Variants in ZDHHC7 observed in about 807,000 individuals in gnomAD.
ZDHHC7 encodes the protein palmitoyltransferase ZDHHC7.
In ZDHHC7, 12 loss-of-function variants were observed where a neutral mutation model predicts 34.1. That is an observed-to-expected ratio of 0.35 (90% confidence interval 0.23 to 0.57). ZDHHC7 has a LOEUF of 0.57. Among genes scored for constraint, ZDHHC7 ranks in the 20% least tolerant of loss-of-function variants. The probability of loss-of-function intolerance (pLI) is 0.84; values close to 1 mark genes in which losing one functional copy is unlikely to be tolerated. For synonymous variants in ZDHHC7, 185 were observed against 155.4 expected (o/e 1.19, Z -1.42); for missense variants, 388 against 402.7 (o/e 0.96, Z 0.31).
Position 84,977,219 on chromosome 16 carries a change from C to G in ZDHHC7, c.626G>C (p.Ser209Thr). Reference protein sequence around the residue: ...SCVRGQWTECSDFSPPITVIL... With the variant: ...SCVRGQWTECTDFSPPITVIL... ...TACAGTTATCGGAGGTGAAAAATCACTGCATTCTGCGGACAAGAGGAAGTT... is the reference window on the plus strand; with the variant it reads ...TACAGTTATCGGAGGTGAAAAATCAGTGCATTCTGCGGACAAGAGGAAGTT... Residue 209 changes from serine (S) to threonine (T), a missense_variant, in exon 7 of 8, where the codon AGT becomes ACT. Physicochemically the swap from Ser to Thr is moderately conservative, Grantham distance 58. Coordinates refer to ENST00000313732, the MANE Select transcript of ZDHHC7 (RefSeq NM_017740.3). 1 of 1,614,176 alleles carries G rather than the reference C, an allele frequency of 6.2e-7. No individual in the cohort carries two copies. Among genetic ancestry groups the G allele is most frequent in the South Asian group, 1.1e-5 (1 of 91,084 alleles).
At chr16:85,005,774 G>C (rs1258826794) in intron 1 of ZDHHC7, among the ~76,000 whole-genome samples, 1 of 152,252 alleles carries the variant, frequency 6.6e-6, no homozygotes, top group Non-Finnish European at 1.5e-5. Flanking sequence ...ATGAACGGCA[G>C]TGTTTCCCGG....
intron 1 of ZDHHC7, among the ~76,000 whole-genome samples, chr16:85,009,699 G>A (rs1368339825): frequency 7.0e-6 from 1 of 142,484 alleles, no homozygotes; most frequent in African/African-American, 2.6e-5. Flanking sequence ...ACCAAGTTCT[G>A]ACTTTTTTTC....
At chr16:85,025,764 A>G in the ZDHHC7 span, among the ~76,000 whole-genome samples, 1 of 152,206 alleles carries the variant, frequency 6.6e-6, no homozygotes, top group Admixed American at 6.5e-5. Context: ...CTGAAAGAAT[A>G]CTGGGAAATA....
intron 3 of ZDHHC7, among the ~76,000 whole-genome samples, chr16:84,985,476 C>T (rs1373014175): frequency 6.6e-6 from 1 of 152,146 alleles, no homozygotes; most frequent in Non-Finnish European, 1.5e-5. Context: ...AGGAGCACAG[C>T]AAAACCCAGT....
chr16:85,007,783 C>G (rs1158188559), intron 1 of ZDHHC7, among the ~76,000 whole-genome samples: 1 of 152,008 alleles, frequency 6.6e-6, no homozygotes, highest in Non-Finnish European at 1.5e-5. Context: ...TGGCAAAGCA[C>G]AGTAGTATAC....
chr16:84,986,815 C>G (rs1188832971), intron 3 of ZDHHC7, among the ~76,000 whole-genome samples: 1 of 152,158 alleles, frequency 6.6e-6, no homozygotes, highest in Non-Finnish European at 1.5e-5. Context: ...GGGTATCTGC[C>G]CCAACCCCTC....
At chr16:84,980,153 A>G (rs1373347255) in intron 4 of ZDHHC7, among the ~76,000 whole-genome samples, 2 of 150,638 alleles carry the variant, frequency 1.3e-5, no homozygotes, top group Admixed American at 1.3e-4. Flanking sequence ...TTTAGTAGAG[A>G]TGGGGGTTTC....
upstream of ZDHHC7, among the ~76,000 whole-genome samples, chr16:85,012,124 G>C (rs992604424): frequency 1.3e-5 from 2 of 152,192 alleles, no homozygotes; most frequent in Non-Finnish European, 2.9e-5. Context: ...GCTCACGCCT[G>C]TAACTCCAGC....
At chr16:84,978,193 G>T (rs1567491598) in intron 5 of ZDHHC7, 188 bp from the exon 6 acceptor site, 3 of 472,004 alleles carry the variant, frequency 6.4e-6, no homozygotes, top group Non-Finnish European at 1.1e-5. Flanking sequence ...ACCATGCCCG[G>T]CTAACTGTTT....
At chr16:85,021,607 A>C in the ZDHHC7 span, among the ~76,000 whole-genome samples, 2 of 151,932 alleles carry the variant, frequency 1.3e-5, no homozygotes, top group African/African-American at 4.8e-5. Flanking sequence ...AATCCCAGCT[A>C]CTCAGAAGAC....
chr16:85,009,194 T>G (rs1472691215), intron 1 of ZDHHC7, among the ~76,000 whole-genome samples: 2 of 152,088 alleles, frequency 1.3e-5, no homozygotes, highest in African/African-American at 4.8e-5. Context: ...TGAACTTATT[T>G]CTACACCCAT....
chr16:85,019,005 G>T, the ZDHHC7 span, among the ~76,000 whole-genome samples: 1 of 152,198 alleles, frequency 6.6e-6, no homozygotes, highest in Non-Finnish European at 1.5e-5. Flanking sequence ...CACCTCCGCT[G>T]TAGGTGGAGC....
At chr16:84,979,322 T>G in intron 4 of ZDHHC7, 37 bp from the exon 5 acceptor site, 1 of 1,598,360 alleles carries the variant, frequency 6.3e-7, no homozygotes, top group Non-Finnish European at 8.5e-7. Flanking sequence ...TATTCCATGC[T>G]CTGAGGAAAC....
chr16:84,988,398 C>A (rs1597542876), intron 3 of ZDHHC7, among the ~76,000 whole-genome samples: 1 of 152,166 alleles, frequency 6.6e-6, no homozygotes, highest in African/African-American at 2.4e-5. Flanking sequence ...GGATTTAGTG[C>A]TATGTGAATT....
At chr16:84,992,690 G>A (rs1004606357) in intron 2 of ZDHHC7, among the ~76,000 whole-genome samples, 11 of 152,160 alleles carry the variant, frequency 7.2e-5, no homozygotes, top group African/African-American at 2.4e-4. Context: ...CTCAGAGCAG[G>A]AGCGCTCCTC....
rs1046209171 is a variant in ZDHHC7, at chr16:84,990,287, A to AC, written c.315+16dup. 1.2e-6 allele frequency: 2 copies of AC among 1,609,648 alleles called. No homozygotes were observed. The highest frequency in any genetic ancestry group is 2.7e-5 in the African/African-American group (2 of 74,818). ...CCAGACACAAGAGAGCCACCCAGAGACGCAGCCAGTACTCACAGGGTCGGT... is the reference window on the plus strand; with the variant it reads ...CCAGACACAAGAGAGCCACCCAGAGACCGCAGCCAGTACTCACAGGGTCGGT... On this transcript the variant is annotated intron_variant, in intron 3 of 7. Coordinates refer to ENST00000313732, the MANE Select transcript of ZDHHC7 (RefSeq NM_017740.3).
chr16:84,978,862 CAAAA>C (rs200114312), intron 5 of ZDHHC7, among the ~76,000 whole-genome samples: 1 of 107,462 alleles, frequency 9.3e-6, no homozygotes, highest in Non-Finnish European at 1.9e-5. Flanking sequence ...AACTCCATCT[CAAAA>C]AAAAAAAAAA....
chr16:84,988,241 G>A (rs975144324), intron 3 of ZDHHC7, among the ~76,000 whole-genome samples: 2 of 152,086 alleles, frequency 1.3e-5, no homozygotes, highest in Non-Finnish European at 2.9e-5. Context: ...GGCAGAGGGC[G>A]TCGGGTGGTG....
chr16:85,013,286 A>G (rs2072817789), upstream of ZDHHC7, among the ~76,000 whole-genome samples: 1 of 152,166 alleles, frequency 6.6e-6, no homozygotes. Flanking sequence ...TCTGTCTCCC[A>G]GGCTGGAGTG....
Sources: allele counts gnomAD v4.1 joint callset (sites outside exome capture counted in the v4.1 genomes callset), GRCh38; gene constraint gnomAD v4.1.1; transcripts MANE v1.5; gene names NCBI Gene and HGNC (gene_info 2026-07-23, HGNC 2026-07-21).